The following ZNF469 variants were observed in gnomAD, a reference collection of about 807,000 sequenced individuals.
ZNF469 encodes the protein zinc finger protein 469.
Under a neutral mutation model 1.0 loss-of-function variants are expected in ZNF469, and 1 was observed. The observed-to-expected ratio is 1.00, with a 90% CI of 0.35 to 4.73. ZNF469 has a LOEUF of 4.73. Among genes scored for constraint, ZNF469 ranks in the 30% most tolerant of loss-of-function variants. The pLI, the probability that ZNF469 is intolerant of heterozygous loss-of-function variation, is 0.16. For synonymous variants in ZNF469, 2,703 were observed against 2,363.4 expected (o/e 1.14, Z -4.17); for missense variants, 6,100 against 5,356.3 (o/e 1.14, Z -4.33).
At chr16:88,366,058 G>T in the ZNF469 span, among the ~76,000 whole-genome samples, 1 of 151,510 alleles carries the variant, frequency 6.6e-6, no homozygotes, top group East Asian at 1.9e-4. Flanking sequence ...TAAAGTAAAT[G>T]CTGATAAATG....
the ZNF469 span, among the ~76,000 whole-genome samples, chr16:88,255,557 C>G: frequency 6.6e-6 from 1 of 152,220 alleles, no homozygotes; most frequent in East Asian, 1.9e-4. Flanking sequence ...ACATCCCTCA[C>G]TAGAGTGGTA....
At chr16:88,309,059 C>T in the ZNF469 span, among the ~76,000 whole-genome samples, 2 of 152,178 alleles carry the variant, frequency 1.3e-5, no homozygotes, top group East Asian at 1.9e-4. Context: ...ACCCACGTCC[C>T]GACTGGACCT....
chr16:88,185,622 T>A, the ZNF469 span, among the ~76,000 whole-genome samples: 4 of 142,318 alleles, frequency 2.8e-5, no homozygotes, highest in African/African-American at 1.1e-4. Flanking sequence ...ACAGACACAC[T>A]CACATTTGCA....
chr16:88,437,538 G>T lies in ZNF469; in HGVS notation c.10068G>T (p.Leu3356=). Residue 3356 remains leucine (L), a synonymous_variant, in exon 3 of 3, where the codon CTG becomes CTT. Transcript: ENST00000565624. ...FPKPFKLQRH[L]AVHSPQRVYL... is the part of the protein sequence containing the mutation. ...AGCCCTTCAAGCTGCAGCGCCACCT[G>T]GCGGTGCACAGCCCGCAGCGCGTCT... 6.5e-7 allele frequency: 1 copy of T among 1,541,788 alleles called. No homozygotes were observed.
chr16:88,170,736 C>T, the ZNF469 span, among the ~76,000 whole-genome samples: 1 of 152,150 alleles, frequency 6.6e-6, no homozygotes, highest in Non-Finnish European at 1.5e-5. This position sits in a 1 kb window ranked among gnomAD's most constrained non-coding sequence, Gnocchi z 4.2. Context: ...AGGGCCGACA[C>T]GTCTCAATGT....
At chr16:88,349,247 C>G in the ZNF469 span, among the ~76,000 whole-genome samples, 1 of 151,372 alleles carries the variant, frequency 6.6e-6, no homozygotes, top group Non-Finnish European at 1.5e-5. Flanking sequence ...GGCTTCACAG[C>G]CAAGAGGGCT....
chr16:88,346,860 G>A, the ZNF469 span, among the ~76,000 whole-genome samples: 2 of 152,190 alleles, frequency 1.3e-5, no homozygotes, highest in Non-Finnish European at 2.9e-5. Context: ...TTGTGTCCAC[G>A]CTGCCACATC....
At chr16:88,246,671 C>T in the ZNF469 span, among the ~76,000 whole-genome samples, 2 of 152,214 alleles carry the variant, frequency 1.3e-5, no homozygotes, top group Non-Finnish European at 2.9e-5. Flanking sequence ...TCTGCAGGTA[C>T]AGGGACCACA....
At chr16:88,380,388 CAGACACGCCCTCACACAG>C (rs1350377318), upstream of ZNF469, among the ~76,000 whole-genome samples, 1 of 115,434 alleles carries the variant, frequency 8.7e-6, no homozygotes. Flanking sequence ...CACGCACTCA[CAGACACGCCCTCACACAG>C]ACATGCACTC....
chr16:88,255,065 A>G, the ZNF469 span, among the ~76,000 whole-genome samples: 36 of 152,336 alleles, frequency 2.4e-4, no homozygotes, highest in African/African-American at 7.7e-4. Flanking sequence ...TCATACATAG[A>G]CATGTACGAT....
chr16:88,438,747 C>G lies in ZNF469; in HGVS notation c.11277C>G (p.Ser3759Arg). ...AGCCAGCCAGCGGGCAGCTCCAGAG[C>G]GAGACAGCCACCACCCCAGCCAAGC... The part of the protein sequence containing the change: ...QPQPASGQLQ[S>R]ETATTPAKPS... Residue 3759 changes from serine (S) to arginine (R), a missense_variant, in exon 3 of 3, where the codon AGC becomes AGG. Coordinates refer to ENST00000565624, the MANE Select transcript of ZNF469 (RefSeq NM_001367624.2). The G allele has an allele frequency of 6.5e-7, 1 of 1,550,034 alleles. No individual in the cohort carries two copies. Among genetic ancestry groups the G allele is most frequent in the Non-Finnish European group, 8.7e-7 (1 of 1,146,874 alleles).
At chr16:88,225,312 A>G in the ZNF469 span, among the ~76,000 whole-genome samples, 11 of 152,250 alleles carry the variant, frequency 7.2e-5, no homozygotes, top group African/African-American at 2.2e-4. Flanking sequence ...GAATCCCTGC[A>G]TTGACTCGAT....
the ZNF469 span, among the ~76,000 whole-genome samples, chr16:88,151,686 C>G: frequency 6.6e-6 from 1 of 152,184 alleles, no homozygotes; most frequent in African/African-American, 2.4e-5. The surrounding 1 kb of genome is among the most constrained non-coding windows in gnomAD (Gnocchi z 5.4). Context: ...TGTGTGCACC[C>G]TCAGTTGGCT....
At chr16:88,255,529 T>C in the ZNF469 span, among the ~76,000 whole-genome samples, 31 of 152,230 alleles carry the variant, frequency 2.0e-4, no homozygotes, top group African/African-American at 6.8e-4. Flanking sequence ...CACACAGGCA[T>C]TGCCTCTCTC....
Position 88,432,848 on chromosome 16 carries a change from C to G in ZNF469, c.5378C>G (p.Pro1793Arg). Residue 1793 changes from proline (P) to arginine (R), a missense_variant, in exon 3 of 3, where the codon CCA becomes CGA. Pro to Arg is a moderately radical substitution (Grantham distance 103, BLOSUM62 -2). Transcript: ENST00000565624. The part of the protein sequence containing the change: ...ADQPHRGAPA[P>R]EAFGSPAVHL... ...CAGCCCCACCGAGGGGCCCCTGCTCCAGAAGCTTTTGGCAGCCCTGCTGTC... is the reference window on the plus strand; with the variant it reads ...CAGCCCCACCGAGGGGCCCCTGCTCGAGAAGCTTTTGGCAGCCCTGCTGTC... 1.3e-6 allele frequency: 2 copies of G among 1,550,366 alleles called. No homozygotes were observed. Among genetic ancestry groups the G allele is most frequent in the Non-Finnish European group, 1.7e-6 (2 of 1,146,986 alleles).
the ZNF469 span, among the ~76,000 whole-genome samples, chr16:88,262,776 A>C: frequency 6.6e-6 from 1 of 151,996 alleles, no homozygotes; most frequent in African/African-American, 2.4e-5. This position sits in a 1 kb window ranked among gnomAD's most constrained non-coding sequence, Gnocchi z 4.3. Context: ...TTCTCAGTGG[A>C]TCAAAGATTC....
At chr16:88,119,198 C>G in the ZNF469 span, among the ~76,000 whole-genome samples, 3 of 152,206 alleles carry the variant, frequency 2.0e-5, no homozygotes, top group Non-Finnish European at 4.4e-5. Context: ...CTACAAGCTT[C>G]TTTGTATCAG....
In ZNF469 at chr16:88,436,818, G is replaced by C; in HGVS notation, c.9348G>C (p.Lys3116Asn). 2 of 1,539,118 alleles carry C rather than the reference G, an allele frequency of 1.3e-6. No individual in the cohort carries two copies. The highest frequency in any genetic ancestry group is 1.2e-5 in the South Asian group (1 of 83,940). Reference sequence around the variant, plus strand: ...CCAAGGGCAGGCGGGCCTCCTACAAGTGCAAAGTGTGCTTCCAGCGCTTCC... The same window carrying C: ...CCAAGGGCAGGCGGGCCTCCTACAACTGCAAAGTGTGCTTCCAGCGCTTCC... The part of the protein sequence containing the change: ...RPAKGRRASY[K>N]CKVCFQRFRS... Residue 3116 changes from lysine to asparagine, a missense_variant, in exon 3 of 3, where the codon AAG becomes AAC. Physicochemically the swap from Lys to Asn is moderately conservative, Grantham distance 94 (BLOSUM62 0). Coordinates refer to ENST00000565624, the MANE Select transcript of ZNF469 (RefSeq NM_001367624.2).
chr16:88,274,092 C>T, the ZNF469 span, among the ~76,000 whole-genome samples: 4 of 152,184 alleles, frequency 2.6e-5, no homozygotes, highest in Non-Finnish European at 4.4e-5. Context: ...CGTGAGCCAC[C>T]GCGCCTGGCC....
Sources: gnomAD v4.1 joint callset for allele counts (sites outside exome capture counted in the v4.1 genomes callset) on GRCh38, gnomAD v4.1.1 for gene constraint, Gnocchi (gnomAD v3.1) non-coding constraint, MANE v1.5 for transcripts, NCBI Gene and HGNC (gene_info 2026-07-23, HGNC 2026-07-21) for gene names.